Variants in ARK2N observed in about 807,000 individuals in gnomAD.
ARK2N encodes the protein protein ARK2N.
At chr18:46,203,435 A>G in the ARK2N span, among the ~76,000 whole-genome samples, 1 of 152,162 alleles carries the variant, frequency 6.6e-6, no homozygotes, top group Non-Finnish European at 1.5e-5. Flanking sequence ...AAAAGTGGTT[A>G]CTTTTTAGGG....
chr18:46,191,291 G>A, the ARK2N span, among the ~76,000 whole-genome samples: 1 of 151,896 alleles, frequency 6.6e-6, no homozygotes, highest in Non-Finnish European at 1.5e-5. Context: ...CATTAGTCTG[G>A]CATATTTGTT....
the ARK2N span, among the ~76,000 whole-genome samples, chr18:46,207,039 G>A: frequency 6.6e-6 from 1 of 152,168 alleles, no homozygotes; most frequent in Non-Finnish European, 1.5e-5. Context: ...ATTTCCCAAA[G>A]TGCTGGGATT....
chr18:46,191,814 G>A, the ARK2N span, among the ~76,000 whole-genome samples: 2 of 152,080 alleles, frequency 1.3e-5, no homozygotes, highest in African/African-American at 4.8e-5. Context: ...TCTGTGCTCG[G>A]CCTCTTCATT....
At chr18:46,186,797 C>T in the ARK2N span, among the ~76,000 whole-genome samples, 11 of 151,774 alleles carry the variant, frequency 7.2e-5, no homozygotes, top group African/African-American at 2.2e-4. Context: ...CGTGAGCCCC[C>T]GTGCCCGGCC....
chr18:46,174,724 C>T, the ARK2N span, among the ~76,000 whole-genome samples: 5 of 152,148 alleles, frequency 3.3e-5, no homozygotes, highest in African/African-American at 9.7e-5. Context: ...AGCGACTTCA[C>T]GGCCCTGGAG....
At chr18:46,203,066 TG>T in the ARK2N span, among the ~76,000 whole-genome samples, 1 of 152,176 alleles carries the variant, frequency 6.6e-6, no homozygotes, top group Non-Finnish European at 1.5e-5. Flanking sequence ...TGGAAGCATT[TG>T]GGAAAACTTT....
chr18:46,235,186 CA>C, the ARK2N span, among the ~76,000 whole-genome samples: 4 of 152,212 alleles, frequency 2.6e-5, no homozygotes, highest in Non-Finnish European at 5.9e-5. Flanking sequence ...GAGCAATTTC[CA>C]TTTGGCTTTG....
the ARK2N span, among the ~76,000 whole-genome samples, chr18:46,227,422 G>A: frequency 6.6e-6 from 1 of 152,006 alleles, no homozygotes; most frequent in Non-Finnish European, 1.5e-5. Flanking sequence ...TTCTGGTTTT[G>A]AATTGAAAAA....
At chr18:46,216,737 A>G in the ARK2N span, 1 of 729,152 alleles carries the variant, frequency 1.4e-6, no homozygotes, top group Non-Finnish European at 2.2e-6. This position sits in a 1 kb window ranked among gnomAD's most constrained non-coding sequence, Gnocchi z 4.3. Context: ...TATTAACAAG[A>G]CATGGCCAAT....
chr18:46,182,320 G>C, the ARK2N span, among the ~76,000 whole-genome samples: 3 of 152,208 alleles, frequency 2.0e-5, no homozygotes, highest in African/African-American at 7.2e-5. Context: ...GGTGTGTATA[G>C]TGGAGAGAAT....
At chr18:46,179,544 C>T in the ARK2N span, among the ~76,000 whole-genome samples, 2 of 152,154 alleles carry the variant, frequency 1.3e-5, no homozygotes, top group African/African-American at 4.8e-5. Flanking sequence ...TCAGTTTTCA[C>T]ACTCAGCCTA....
the ARK2N span, chr18:46,218,847 G>A: frequency 2.6e-5 from 4 of 152,138 alleles, no homozygotes; most frequent in African/African-American, 9.7e-5. Context: ...AAGCTGGATG[G>A]GCCTAACAGA....
the ARK2N span, chr18:46,216,602 G>A: frequency 1.2e-6 from 2 of 1,601,548 alleles, no homozygotes; most frequent in Non-Finnish European, 1.7e-6. The surrounding 1 kb of genome is among the most constrained non-coding windows in gnomAD (Gnocchi z 4.3). Context: ...CCAGGTAGAG[G>A]ATGTTTTTTA....
the ARK2N span, among the ~76,000 whole-genome samples, chr18:46,258,315 A>G: frequency 6.6e-6 from 1 of 152,346 alleles, no homozygotes; most frequent in South Asian, 2.1e-4. Context: ...TCAGTTAGGA[A>G]AAAGAAGTAG....
chr18:46,200,098 G>A, the ARK2N span, among the ~76,000 whole-genome samples: 2,643 of 152,088 alleles, frequency 0.017, 71 homozygotes, highest in African/African-American at 0.06. Flanking sequence ...GTGTGCGCGC[G>A]CGTGCTGGGG....
At chr18:46,189,350 A>G in the ARK2N span, among the ~76,000 whole-genome samples, 20 of 152,166 alleles carry the variant, frequency 1.3e-4, no homozygotes, top group African/African-American at 4.8e-4. Flanking sequence ...TTTTATTTAC[A>G]CAAAAGGTGT....
the ARK2N span, chr18:46,173,800 C>T: frequency 2.0e-5 from 3 of 152,404 alleles, no homozygotes; most frequent in Admixed American, 6.5e-5. Flanking sequence ...TTTCCCACCC[C>T]CCGGGAAAGA....
chr18:46,224,694 A>T, the ARK2N span, among the ~76,000 whole-genome samples: 1 of 152,222 alleles, frequency 6.6e-6, no homozygotes, highest in African/African-American at 2.4e-5. Flanking sequence ...GTGTAGTAAC[A>T]GAATACATGC....
chr18:46,266,889 A>T, the ARK2N span: 2 of 152,324 alleles, frequency 1.3e-5, no homozygotes, highest in Admixed American at 6.6e-5. Context: ...TTATATATAT[A>T]TTTTTTGGTG....
Sources: gnomAD v4.1 joint callset for allele counts (sites outside exome capture counted in the v4.1 genomes callset) on GRCh38, gnomAD v4.1.1 for gene constraint, Gnocchi (gnomAD v3.1) non-coding constraint, MANE v1.5 for transcripts, NCBI Gene and HGNC (gene_info 2026-07-23, HGNC 2026-07-21) for gene names.